The following SHOC1 variants were observed in gnomAD, a reference collection of about 807,000 sequenced individuals.
SHOC1 encodes protein shortage in chiasmata 1 ortholog.
A neutral mutation model predicts 179.2 loss-of-function variants in SHOC1; 136 were observed. The observed-to-expected ratio is 0.76, with a 90% CI of 0.66 to 0.87. SHOC1 has a LOEUF of 0.87. SHOC1 is among the 40% of genes least tolerant of loss of function. SHOC1 has a pLI of 0.00. For synonymous variants in SHOC1, 489 were observed against 586.6 expected (o/e 0.83, Z 2.41); for missense variants, 1,538 against 1,700.8 (o/e 0.90, Z 1.68).
At chr9:111,740,910 C>CA (rs1834006412) in intron 11 of SHOC1, among the ~76,000 whole-genome samples, 7 of 152,060 alleles carry the variant, frequency 4.6e-5, no homozygotes, top group Non-Finnish European at 1.0e-4. Flanking sequence ...TTGTTTGAGA[C>CA]AGAGACTTGC....
chr9:111,758,597 C>G, intron 6 of SHOC1, 98 bp downstream of exon 6: 2 of 1,196,708 alleles, frequency 1.7e-6, no homozygotes, highest in Non-Finnish European at 2.3e-6. Context: ...CAAAACAAAA[C>G]AAAAAAAAAC....
At chr9:111,698,691 C>T (rs138098330) in intron 24 of SHOC1, among the ~76,000 whole-genome samples, 1 of 152,176 alleles carries the variant, frequency 6.6e-6, no homozygotes, top group African/African-American at 2.4e-5. Flanking sequence ...ACAGGTAGAA[C>T]TCTGACAGCT....
At chr9:111,697,715 T>G (rs573823568) in intron 24 of SHOC1, among the ~76,000 whole-genome samples, 4 of 152,262 alleles carry the variant, frequency 2.6e-5, no homozygotes, top group South Asian at 2.1e-4. Flanking sequence ...CCAGTAATGG[T>G]ATGGCTGGGT....
intron 12 of SHOC1, among the ~76,000 whole-genome samples, chr9:111,736,415 C>T (rs777937754): frequency 2.6e-5 from 4 of 152,094 alleles, no homozygotes; most frequent in Non-Finnish European, 2.9e-5. Context: ...AAGTCGCACA[C>T]CTACAGCCAT....
At chr9:111,725,220 T>C (rs1833244378) in intron 13 of SHOC1, among the ~76,000 whole-genome samples, 2 of 152,174 alleles carry the variant, frequency 1.3e-5, no homozygotes, top group African/African-American at 2.4e-5. Flanking sequence ...GATCAAATAA[T>C]ATTAATTATT....
intron 18 of SHOC1, among the ~76,000 whole-genome samples, chr9:111,711,310 A>G (rs1184291833): frequency 6.6e-6 from 1 of 152,148 alleles, no homozygotes; most frequent in Non-Finnish European, 1.5e-5. Context: ...TCCTGGATGA[A>G]GCCCAACCTT....
intron 21 of SHOC1, among the ~76,000 whole-genome samples, 163 bp from the exon 22 acceptor site, chr9:111,704,155 T>A (rs1445907409): frequency 2.0e-5 from 3 of 152,220 alleles, no homozygotes; most frequent in Non-Finnish European, 4.4e-5. Context: ...AAAGTTATGA[T>A]TTTTTCAGTA....
chr9:111,748,187 T>C lies in SHOC1; in HGVS notation c.875A>G (p.Lys292Arg). Reference protein sequence around the residue: ...EKLFERDLTNKHGIEDIGDIK... With the variant: ...EKLFERDLTNRHGIEDIGDIK... ...ATCCCCGATATCCTCAATTCCATGC[T>C]TGTTAGTAAGATCTGAAAAGGAAGA... Residue 292 changes from lysine (K) to arginine (R), a missense_variant, in exon 9 of 28, where the codon AAG becomes AGG. Transcript: ENST00000682961. 4.3e-6 allele frequency: 7 copies of C among 1,611,574 alleles called. No homozygotes were observed. The highest frequency in any genetic ancestry group is 1.3e-5 in the African/African-American group (1 of 75,000).
At position 111,691,573 on chromosome 9, in the gene SHOC1, T is replaced by C. The variant is rs1289931870; in HGVS notation, c.4404A>G (p.Ser1468=). The change falls in exon 27 of 28, where the codon TCA becomes TCG. Residue 1468 remains serine, a synonymous_variant. Transcript: ENST00000682961. ...QKRHHESSFN[S]GDKESLTGFM... ...TACCTGTTAATGATTCCTTGTCTCC[T>C]GAGTTAAATGAAGATTCATGGTGCC... 6.2e-7 allele frequency: 1 copy of C among 1,612,844 alleles called. No homozygotes were observed. The highest frequency in any genetic ancestry group is 1.7e-5 in the Admixed American group (1 of 59,830).
Position 111,727,721 on chromosome 9 carries a change from C to CA in SHOC1, c.1745dup (p.Leu582PhefsTer13). Reference sequence around the variant, plus strand: ...GCATAATAAAGTCGCTCAAAAGGTCCAAATCATTCTCTTGTTTTTTGCCAT... The same window carrying CA: ...GCATAATAAAGTCGCTCAAAAGGTCCAAAATCATTCTCTTGTTTTTTGCCAT... On this transcript the variant is annotated frameshift_variant, in exon 13 of 28. Transcript: ENST00000682961. LOFTEE classifies it high-confidence loss of function. The CA allele has an allele frequency of 6.2e-7, 1 of 1,612,924 alleles. No homozygotes were observed. The highest frequency in any genetic ancestry group is 8.5e-7 in the Non-Finnish European group (1 of 1,179,558).
At chr9:111,731,656 G>C (rs1554715781) in intron 12 of SHOC1, among the ~76,000 whole-genome samples, 1 of 151,660 alleles carries the variant, frequency 6.6e-6, no homozygotes, top group African/African-American at 2.4e-5. Flanking sequence ...ATAATAATAA[G>C]AAAAAAATAC....
chr9:111,687,515 T>C (rs1043395550), intron 27 of SHOC1, among the ~76,000 whole-genome samples: 8 of 152,232 alleles, frequency 5.3e-5, no homozygotes, highest in African/African-American at 1.9e-4. Context: ...TCATAATCTC[T>C]AAATTCTCTT....
Position 111,739,159 on chromosome 9 carries a change from TTAAAAA to T in SHOC1, c.1175-643_1175-638del, listed in dbSNP as rs549852093. On this transcript the variant is annotated intron_variant, in intron 11 of 27. Coordinates refer to ENST00000682961, the MANE Select transcript of SHOC1 (RefSeq NM_001378211.1). ...AGTAATATTAAGAAGAAATTAAAAC[TTAAAAA>T]TACTAATATTAATAATAGTAATTAC... Among the ~76,000 whole-genome samples the T allele has an allele frequency of 1.1e-4, 16 of 152,182 alleles. No homozygotes were observed. In the East Asian group the frequency reaches 2.7e-3, roughly 26 times the overall value.
chr9:111,686,350 T>G lies in SHOC1; in HGVS notation c.*420A>C, dbSNP rs1831159954. 6.6e-6 allele frequency: 1 copy of G among 152,394 alleles called. No individual in the cohort carries two copies. Among genetic ancestry groups the G allele is most frequent in the Non-Finnish European group, 1.5e-5 (1 of 68,156 alleles). 9.4% of individuals were successfully genotyped at this position (152,394 alleles called of 1,614,324 possible). ...GGTTGCAAATATTTCCTCTTAGTAA[T>G]TTGTTCTTAAATTGTGTTTACAGAA... is the stretch of plus-strand genomic sequence containing the variant. On this transcript the variant is annotated 3_prime_UTR_variant, in exon 28 of 28. Transcript: ENST00000682961.
At chr9:111,787,324 CT>C (rs1003932501) in intron 2 of SHOC1, among the ~76,000 whole-genome samples, 15 of 152,094 alleles carry the variant, frequency 9.9e-5, no homozygotes, top group African/African-American at 3.4e-4. Context: ...AATTGAAAAC[CT>C]TTGAGAAGGG....
intron 5 of SHOC1, chr9:111,759,230 C>T (rs1440222592): frequency 2.5e-6 from 4 of 1,613,742 alleles, no homozygotes; most frequent in Admixed American, 1.7e-5. Context: ...TGACCTTGGT[C>T]TTCTCTGCAT....
chr9:111,722,645 G>T, intron 14 of SHOC1, 60 bp from the exon 15 acceptor site: 2 of 1,388,124 alleles, frequency 1.4e-6, no homozygotes, highest in South Asian at 1.4e-5. Flanking sequence ...TCTTTTTGAT[G>T]AACCAATTAA....
chr9:111,704,650 A>G (rs1832163773), intron 21 of SHOC1, among the ~76,000 whole-genome samples: 1 of 152,236 alleles, frequency 6.6e-6, no homozygotes. Flanking sequence ...AGGTAACAGT[A>G]CAATTATCCT....
chr9:111,692,562 ATGAT>A, intron 26 of SHOC1, 51 bp from the exon 27 acceptor site: 1 of 1,363,712 alleles, frequency 7.3e-7, no homozygotes, highest in Non-Finnish European at 1.0e-6. Flanking sequence ...AATATAAATA[ATGAT>A]GCTTATCTAT....
Sources: gnomAD v4.1 joint callset for allele counts (sites outside exome capture counted in the v4.1 genomes callset) on GRCh38, gnomAD v4.1.1 for gene constraint, MANE v1.5 for transcripts, NCBI Gene and HGNC (gene_info 2026-07-23, HGNC 2026-07-21) for gene names.